C1orf174: variants seen among roughly 807,000 people sequenced by gnomAD.
C1orf174 encodes the protein UPF0688 protein C1orf174.
Under a neutral mutation model 18.4 loss-of-function variants are expected in C1orf174, and 13 were observed. The observed-to-expected ratio is 0.71, with a 90% confidence interval of 0.46 to 1.12. C1orf174 has a LOEUF of 1.12. Ranked by LOEUF, C1orf174 falls within the 50% of genes most tolerant of loss-of-function variation. The pLI is 0.00. For synonymous variants in C1orf174, 100 were observed against 118.3 expected (o/e 0.85, Z 1.01); for missense variants, 309 against 308.0 (o/e 1.00, Z -0.02).
chr1:3,892,886 A>C lies in C1orf174; in HGVS notation c.126T>G (p.Cys42Trp), dbSNP rs950373236. 1.2e-6 allele frequency: 2 copies of C among 1,614,140 alleles called. No individual in the cohort carries two copies. The highest frequency in any genetic ancestry group is 3.3e-5 in the Admixed American group (2 of 60,020). ...VAGSTSAKTA[C>W]LTSSSHKATD... ...TCTCCACGGTAACAGGGCTCACCAGACATGCTGTCTTGGCAGACGTGGAAC... is the reference window on the plus strand; with the variant it reads ...TCTCCACGGTAACAGGGCTCACCAGCCATGCTGTCTTGGCAGACGTGGAAC... The change falls in exon 2 of 4, where the codon TGT becomes TGG. Residue 42 changes from cysteine (C) to tryptophan (W), a missense_variant. Cys to Trp is a radical substitution (Grantham distance 215, BLOSUM62 -2). Coordinates refer to ENST00000361605, the MANE Select transcript of C1orf174 (RefSeq NM_207356.3).
chr1:3,898,808 C>G (rs1638655116), intron 1 of C1orf174, among the ~76,000 whole-genome samples: 1 of 152,140 alleles, frequency 6.6e-6, no homozygotes, highest in South Asian at 2.1e-4. Flanking sequence ...AAGCAAACCC[C>G]TGCTGGCTAA....
chr1:3,890,911 A>C lies in C1orf174; in HGVS notation c.276T>G (p.Cys92Trp). 1 of 1,613,992 alleles carries C rather than the reference A, an allele frequency of 6.2e-7. No homozygotes were observed. Among genetic ancestry groups the C allele is most frequent in the South Asian group, 1.1e-5 (1 of 91,076 alleles). The change falls in exon 3 of 4, where the codon TGT becomes TGG. Residue 92 changes from cysteine to tryptophan, a missense_variant. By Grantham distance (215) the Cys-to-Trp change is radical. Coordinates refer to ENST00000361605, the MANE Select transcript of C1orf174 (RefSeq NM_207356.3). The stretch of plus-strand genomic sequence containing the variant: ...CACTGCCTTCAGCAAACTCATTTTC[A>C]CAAGGGGTCTCAGGTGTCACTTTTG... ...SLPKVTPETPCENEFAEGSAL... is the reference protein window; with the variant it reads ...SLPKVTPETPWENEFAEGSAL...
intron 1 of C1orf174, among the ~76,000 whole-genome samples, chr1:3,894,612 A>AG (rs1638572967): frequency 6.6e-6 from 1 of 151,620 alleles, no homozygotes; most frequent in African/African-American, 2.4e-5. Flanking sequence ...GTCTCAAAAA[A>AG]AAAAAAAAAA....
chr1:3,890,890 G>A lies in C1orf174; in HGVS notation c.297C>T (p.Gly99=), dbSNP rs536866363. ...CCTCGCTGCCTGGAAGCAAGGCACT[G>A]CCTTCAGCAAACTCATTTTCACAAG... is the stretch of plus-strand genomic sequence containing the variant. ...ETPCENEFAE[G]SALLPGSEAG... The change falls in exon 3 of 4, where the codon GGC becomes GGT. Residue 99 remains glycine (G), a synonymous_variant. Transcript: ENST00000361605. 31 of 1,613,942 alleles carry A rather than the reference G, an allele frequency of 1.9e-5. No individual in the cohort carries two copies. In the South Asian group the frequency reaches 3.2e-4, roughly 17 times the overall value.
Position 3,890,773 on chromosome 1 carries a change from G to A in C1orf174, c.414C>T (p.Gly138=). 6.2e-7 allele frequency: 1 copy of A among 1,613,954 alleles called. No homozygotes were observed. Among genetic ancestry groups the A allele is most frequent in the Non-Finnish European group, 8.5e-7 (1 of 1,180,024 alleles). ...CGGCACTGTGTTTTGGCACGGACAG[G>A]CCATCTCTAGTCTTTGCTAAGCGAG... The part of the protein sequence containing the change: ...SDSRLAKTRD[G]LSVPKHSAGS... The change falls in exon 3 of 4, where the codon GGC becomes GGT. Residue 138 remains glycine (G), a synonymous_variant. Transcript: ENST00000361605.
chr1:3,891,607 T>A, intron 2 of C1orf174: 1 of 985,880 alleles, frequency 1.0e-6, no homozygotes, highest in South Asian at 4.7e-5. Context: ...GTAGGCTCCG[T>A]GAAGCGGCTC....
At chr1:3,899,718 G>A (rs2124790011) in intron 1 of C1orf174, among the ~76,000 whole-genome samples, 1 of 152,278 alleles carries the variant, frequency 6.6e-6, no homozygotes, top group Admixed American at 6.5e-5. Flanking sequence ...AAAGTGGCCC[G>A]AAACCTCCCT....
chr1:3,891,556 T>G (rs187610881), intron 2 of C1orf174: 1 of 981,348 alleles, frequency 1.0e-6, no homozygotes, highest in African/African-American at 1.8e-5. Context: ...CAAAGCTCTG[T>G]GCTACACGCT....
intron 1 of C1orf174, among the ~76,000 whole-genome samples, chr1:3,898,725 T>C (rs566214758): frequency 1.3e-5 from 2 of 152,332 alleles, no homozygotes; most frequent in African/African-American, 4.8e-5. Context: ...TAAAAAGCAA[T>C]TGTATACAGT....
At chr1:3,891,607 T>C (rs6701422) in intron 2 of C1orf174, 738,343 of 985,804 alleles carry the variant, frequency 0.75, 277,512 homozygotes, top group African/African-American at 0.86. Context: ...GTAGGCTCCG[T>C]GAAGCGGCTC....
Position 3,889,721 on chromosome 1 carries a change from A to AT in C1orf174, c.*238_*239insA. On this transcript the variant is annotated 3_prime_UTR_variant, in exon 4 of 4. Transcript: ENST00000361605. Reference sequence around the variant, plus strand: ...CAAGGAAAAAAAAAAAAAAAAAAAAAGAAAGGACATTGGCACAGTACAGCA... The same window carrying AT: ...CAAGGAAAAAAAAAAAAAAAAAAAAATGAAAGGACATTGGCACAGTACAGCA... The AT allele has an allele frequency of 3.1e-6, 1 of 317,582 alleles. No individual in the cohort carries two copies. Among genetic ancestry groups the AT allele is most frequent in the Non-Finnish European group, 5.8e-6 (1 of 172,514 alleles). The allele number at this position is 317,582 out of a possible 1,614,324, so 19.7% of individuals were successfully genotyped here.
Position 3,890,823 on chromosome 1 carries a change from C to G in C1orf174, c.364G>C (p.Gly122Arg), listed in dbSNP as rs374258021. ...VQQGAASLPLGGCRVVSDSRL... is the reference protein window; with the variant it reads ...VQQGAASLPLRGCRVVSDSRL... ...GAGTCACTCACAACTCTGCAGCCAC[C>G]GAGAGGAAGACTTGCAGCCCCCTGC... The change falls in exon 3 of 4, where the codon GGT becomes CGT. Residue 122 changes from glycine (G) to arginine (R), a missense_variant. Transcript: ENST00000361605. The G allele has an allele frequency of 1.9e-6, 3 of 1,613,254 alleles. No homozygotes were observed. The highest frequency in any genetic ancestry group is 2.2e-5 in the South Asian group (2 of 91,070).
intron 2 of C1orf174, 127 bp from the exon 3 acceptor site, chr1:3,891,184 T>C (rs888821413): frequency 9.6e-6 from 12 of 1,245,936 alleles, no homozygotes; most frequent in South Asian, 4.4e-5. Flanking sequence ...CTTTCACAGA[T>C]CGTCATTTCA....
chr1:3,894,950 G>A (rs1638580400), intron 1 of C1orf174, among the ~76,000 whole-genome samples: 2 of 152,206 alleles, frequency 1.3e-5, no homozygotes, highest in Admixed American at 6.5e-5. Context: ...GGCAACAGAG[G>A]TTACAGAACT....
At chr1:3,896,376 G>C (rs1638606094) in intron 1 of C1orf174, among the ~76,000 whole-genome samples, 4 of 152,248 alleles carry the variant, frequency 2.6e-5, no homozygotes, top group African/African-American at 9.6e-5. Context: ...GGTGGTTCCA[G>C]GCTGGGGAAG....
At chr1:3,894,247 A>T (rs980862151) in intron 1 of C1orf174, among the ~76,000 whole-genome samples, 4 of 152,160 alleles carry the variant, frequency 2.6e-5, no homozygotes, top group Non-Finnish European at 5.9e-5. Flanking sequence ...ACGGATGAAG[A>T]GTGCCCTGCC....
At chr1:3,892,619 G>T (rs1239585039) in intron 2 of C1orf174, 10 of 894,012 alleles carry the variant, frequency 1.1e-5, no homozygotes, top group Non-Finnish European at 1.5e-5. Context: ...CACACACACG[G>T]GTGGGCGGGT....
At chr1:3,894,836 C>G (rs1041209089) in intron 1 of C1orf174, among the ~76,000 whole-genome samples, 1 of 152,178 alleles carries the variant, frequency 6.6e-6, no homozygotes, top group African/African-American at 2.4e-5. Context: ...GAAGTGCCTG[C>G]TACCACAGCA....
At position 3,894,556 on chromosome 1, in the gene C1orf174, G is replaced by A. The variant is rs1199692795; in HGVS notation, c.16-1560C>T. Among the ~76,000 whole-genome samples, 6 of 146,298 alleles carry A rather than the reference G, an allele frequency of 4.1e-5. No individual in the cohort carries two copies. In the East Asian group the frequency reaches 6.0e-4, roughly 15 times the overall value. On this transcript the variant is annotated intron_variant, in intron 1 of 3. Transcript: ENST00000361605. ...CAGGAGGCGGAGCTTGCAGTGAGCC[G>A]AGATTGCGCCACCGCACTCCAGCCT...
Sources: allele counts gnomAD v4.1 joint callset (sites outside exome capture counted in the v4.1 genomes callset), GRCh38; gene constraint gnomAD v4.1.1; transcripts MANE v1.5; gene names NCBI Gene and HGNC (gene_info 2026-07-23, HGNC 2026-07-21).